BLVRA: variants seen among roughly 807,000 people sequenced by gnomAD.
The protein encoded by BLVRA is BVR A.
BLVRA carries 22 observed loss-of-function variants against 32.8 expected under a neutral mutation model. That is an observed-to-expected ratio of 0.67 (90% CI 0.48 to 0.96). The LOEUF is 0.96. Ranked by LOEUF, BLVRA falls within the 40% of genes least tolerant of loss-of-function variation. BLVRA has a pLI of 0.00. For missense variants in BLVRA, 323 were observed against 358.1 expected, an observed-to-expected ratio of 0.90 and a Z score of 0.79; for synonymous variants, 119 against 141.3, an observed-to-expected ratio of 0.84 and a Z score of 1.12.
intron 3 of BLVRA, among the ~76,000 whole-genome samples, chr7:43,789,030 C>T (rs893856555): frequency 7.9e-5 from 12 of 152,008 alleles, no homozygotes; most frequent in African/African-American, 2.7e-4. Context: ...TTTCCACTCA[C>T]CCCTGTACAC....
At chr7:43,775,840 G>C (rs571021164) in intron 2 of BLVRA, among the ~76,000 whole-genome samples, 2 of 152,292 alleles carry the variant, frequency 1.3e-5, no homozygotes, top group African/African-American at 4.8e-5. Context: ...TCTATTCAGA[G>C]ATTCAACTTC....
At chr7:43,800,610 C>G in intron 6 of BLVRA, 38 bp downstream of exon 6, 1 of 1,561,278 alleles carries the variant, frequency 6.4e-7, no homozygotes, top group Non-Finnish European at 8.8e-7. Context: ...CATGTGAGGT[C>G]CAAAGACCAG....
At chr7:43,775,568 C>T (rs1415259986) in intron 2 of BLVRA, among the ~76,000 whole-genome samples, 1 of 152,144 alleles carries the variant, frequency 6.6e-6, no homozygotes, top group Admixed American at 6.6e-5. Flanking sequence ...ATTTTTGCAT[C>T]AATGTTCATC....
chr7:43,800,740 A>G (rs1387662237), intron 6 of BLVRA, among the ~76,000 whole-genome samples, 168 bp downstream of exon 6: 1 of 152,164 alleles, frequency 6.6e-6, no homozygotes, highest in Non-Finnish European at 1.5e-5. Flanking sequence ...CCCTTGGGTA[A>G]AGAGTATGTT....
chr7:43,785,265 A>G (rs1311191254), intron 2 of BLVRA, among the ~76,000 whole-genome samples: 3 of 150,680 alleles, frequency 2.0e-5, no homozygotes, highest in Non-Finnish European at 4.4e-5. Flanking sequence ...TTGATCATTA[A>G]TATGTGTTTT....
At chr7:43,790,817 C>A (rs906860135) in intron 3 of BLVRA, among the ~76,000 whole-genome samples, 2 of 152,146 alleles carry the variant, frequency 1.3e-5, no homozygotes, top group African/African-American at 4.8e-5. Context: ...GGATTACAGG[C>A]GCCCACCACC....
intron 1 of BLVRA, among the ~76,000 whole-genome samples, chr7:43,768,860 T>A (rs2095751208): frequency 6.6e-6 from 1 of 151,748 alleles, no homozygotes; most frequent in African/African-American, 2.4e-5. Context: ...CCCTCCTACT[T>A]AGAGTGCTGG....
intron 2 of BLVRA, among the ~76,000 whole-genome samples, chr7:43,773,588 G>T (rs184443422): frequency 6.6e-6 from 1 of 152,092 alleles, no homozygotes; most frequent in Non-Finnish European, 1.5e-5. Context: ...GAATAGTGCC[G>T]CAATAAACAT....
intron 4 of BLVRA, chr7:43,791,661 T>C (rs2095786233): frequency 2.8e-6 from 1 of 354,724 alleles, no homozygotes; most frequent in East Asian, 6.7e-5. Context: ...CGAGAGTAGT[T>C]TTCAACAGTA....
chr7:43,771,341 C>T (rs2095754449), intron 2 of BLVRA, among the ~76,000 whole-genome samples, 171 bp downstream of exon 2: 1 of 152,068 alleles, frequency 6.6e-6, no homozygotes, highest in Non-Finnish European at 1.5e-5. Context: ...AGAACTAGGC[C>T]CCTCTGAGTT....
rs17239741 is a variant in BLVRA, at chr7:43,806,828, C to G, written c.633-149C>G. On this transcript the variant is annotated intron_variant, in intron 7 of 7. Transcript: ENST00000265523. ...AGACTGTTTGGCTGTGAGGTTGACA[C>G]AGTCACCCACAGCCTCTGGGAGGCT... 1,926 of 811,164 alleles carry G rather than the reference C, an allele frequency of 2.4e-3. 32 individuals carry two copies. In the Admixed American group the frequency reaches 0.024, roughly 10 times the overall value. The allele number at this position is 811,164 out of a possible 1,614,324, so 50.2% of individuals were successfully genotyped here.
At chr7:43,805,443 C>T (rs567380929) in intron 7 of BLVRA, among the ~76,000 whole-genome samples, 6 of 152,106 alleles carry the variant, frequency 3.9e-5, no homozygotes, top group South Asian at 4.2e-4. Context: ...CCACCACGCC[C>T]GGCTCATTTT....
intron 7 of BLVRA, 138 bp from the exon 8 acceptor site, chr7:43,806,839 A>T: frequency 1.1e-6 from 1 of 914,360 alleles, no homozygotes; most frequent in Non-Finnish European, 1.8e-6. Flanking sequence ...AGTCACCCAC[A>T]GCCTCTGGGA....
chr7:43,762,778 A>G (rs1163676205), intron 1 of BLVRA, among the ~76,000 whole-genome samples: 1 of 151,480 alleles, frequency 6.6e-6, no homozygotes, highest in African/African-American at 2.4e-5. Flanking sequence ...TACCCAGGTA[A>G]TTTTTGTATT....
At chr7:43,769,191 CTAATTTTT>C (rs909841445) in intron 1 of BLVRA, among the ~76,000 whole-genome samples, 7 of 152,094 alleles carry the variant, frequency 4.6e-5, no homozygotes, top group South Asian at 2.1e-4. Flanking sequence ...CAATGCCTGG[CTAATTTTT>C]TAATTTTTTA....
intron 1 of BLVRA, among the ~76,000 whole-genome samples, chr7:43,769,456 T>A (rs1301635932): frequency 6.6e-6 from 1 of 152,168 alleles, no homozygotes; most frequent in Non-Finnish European, 1.5e-5. Flanking sequence ...GTTCCCTTTT[T>A]CAGATTTTTT....
intron 2 of BLVRA, among the ~76,000 whole-genome samples, chr7:43,784,734 G>A (rs2095774870): frequency 6.6e-6 from 1 of 151,214 alleles, no homozygotes; most frequent in South Asian, 2.1e-4. Context: ...CTACCAAGTA[G>A]CTGGGGTTAC....
Position 43,787,465 on chromosome 7 carries a change from A to G in BLVRA, c.13-439A>G, listed in dbSNP as rs1379324547. On this transcript the variant is annotated intron_variant, in intron 2 of 7. Coordinates refer to ENST00000265523, the MANE Select transcript of BLVRA (RefSeq NM_000712.4). This position sits in a 1 kb window ranked among gnomAD's most constrained non-coding sequence, Gnocchi z 4.5. Reference sequence around the variant, plus strand: ...TTGCCCATTTGCCTCCTCTGCCAGCATCTGATGAAGAAGCTGTGCCCTCTG... The same window carrying G: ...TTGCCCATTTGCCTCCTCTGCCAGCGTCTGATGAAGAAGCTGTGCCCTCTG... Among the ~76,000 whole-genome samples the G allele has an allele frequency of 1.3e-5, 2 of 152,188 alleles. No individual in the cohort carries two copies. Among genetic ancestry groups the G allele is most frequent in the Non-Finnish European group, 2.9e-5 (2 of 68,036 alleles).
At chr7:43,771,836 A>C (rs1299804472) in intron 2 of BLVRA, among the ~76,000 whole-genome samples, 1 of 152,028 alleles carries the variant, frequency 6.6e-6, no homozygotes, top group African/African-American at 2.4e-5. Context: ...GCCCCCTGTC[A>C]CTCTAGGCAG....
Sources: allele counts gnomAD v4.1 joint callset (sites outside exome capture counted in the v4.1 genomes callset), GRCh38; gene constraint gnomAD v4.1.1; non-coding constraint Gnocchi (gnomAD v3.1); transcripts MANE v1.5; gene names NCBI Gene and HGNC (gene_info 2026-07-23, HGNC 2026-07-21).